Variants in PPP2R5E observed in about 807,000 individuals in gnomAD.
The protein encoded by PPP2R5E is serine/threonine-protein phosphatase 2A 56 kDa regulatory subunit epsilon isoform.
A neutral mutation model predicts 65.3 loss-of-function variants in PPP2R5E; 4 were observed. That is an observed-to-expected ratio of 0.06 (90% CI 0.03 to 0.14). The LOEUF (loss-of-function observed/expected upper bound fraction) is 0.14. Among genes scored for constraint, PPP2R5E ranks in the 10% least tolerant of loss-of-function variants. The pLI is 1.00. For synonymous variants in PPP2R5E, 183 were observed against 187.4 expected, an observed-to-expected ratio of 0.98 and a Z score of 0.19; for missense variants, 274 against 556.1, an observed-to-expected ratio of 0.49 and a Z score of 5.10.
intron 5 of PPP2R5E, among the ~76,000 whole-genome samples, chr14:63,397,503 A>T (rs1026977231): frequency 4.4e-4 from 27 of 60,972 alleles, no homozygotes; most frequent in East Asian, 1.8e-3. Context: ...TTCGGTCTTT[A>T]AAAAAAAAAA....
intron 3 of PPP2R5E, among the ~76,000 whole-genome samples, chr14:63,444,423 G>A (rs1194753373): frequency 3.9e-5 from 6 of 152,044 alleles, no homozygotes; most frequent in Admixed American, 3.3e-4. Flanking sequence ...TACTGTTCAC[G>A]TGAGTATTCC....
At chr14:63,540,456 C>A (rs1307528737) in intron 1 of PPP2R5E, among the ~76,000 whole-genome samples, 2 of 138,354 alleles carry the variant, frequency 1.4e-5, no homozygotes, top group African/African-American at 5.5e-5. Context: ...AAAAGCCAGG[C>A]ACAGTGGCAC....
At chr14:63,461,943 T>TACTGCC (rs1176135559) in intron 2 of PPP2R5E, among the ~76,000 whole-genome samples, 2 of 151,926 alleles carry the variant, frequency 1.3e-5, no homozygotes, top group African/African-American at 4.9e-5. Flanking sequence ...CTTTTCCCAG[T>TACTGCC]ACTGCCAACA....
intron 11 of PPP2R5E, among the ~76,000 whole-genome samples, chr14:63,389,090 CTA>C (rs1884854372): frequency 6.6e-6 from 1 of 151,598 alleles, no homozygotes; most frequent in Non-Finnish European, 1.5e-5. Context: ...ACTCTACTCT[CTA>C]TTAACTTGGG....
At chr14:63,536,758 AT>A (rs755765691) in intron 2 of PPP2R5E, among the ~76,000 whole-genome samples, 2 of 152,254 alleles carry the variant, frequency 1.3e-5, no homozygotes, top group Non-Finnish European at 2.9e-5. Flanking sequence ...ACTAAGTGAA[AT>A]AAGCCAGTCA....
chr14:63,401,698 C>T (rs188130737), intron 5 of PPP2R5E, among the ~76,000 whole-genome samples: 156 of 152,214 alleles, frequency 1.0e-3, no homozygotes, highest in Non-Finnish European at 1.4e-3. Flanking sequence ...TAGAAGAAAG[C>T]CTTGGCATAG....
At chr14:63,471,944 A>G (rs1024738379) in intron 2 of PPP2R5E, among the ~76,000 whole-genome samples, 1 of 152,242 alleles carries the variant, frequency 6.6e-6, no homozygotes, top group Non-Finnish European at 1.5e-5. Context: ...TGTACCAAGC[A>G]AAATGCAACT....
At chr14:63,403,309 T>A (rs1555356859) in intron 5 of PPP2R5E, among the ~76,000 whole-genome samples, 1 of 139,732 alleles carries the variant, frequency 7.2e-6, no homozygotes, top group Non-Finnish European at 1.5e-5. Flanking sequence ...ACACCTGTAA[T>A]CCCAGCAGCT....
chr14:63,418,324 T>A (rs992403752), intron 4 of PPP2R5E, among the ~76,000 whole-genome samples: 1 of 152,206 alleles, frequency 6.6e-6, no homozygotes, highest in Admixed American at 6.5e-5. Flanking sequence ...CTGGCAAGGC[T>A]TTCCAGCAAG....
intron 4 of PPP2R5E, among the ~76,000 whole-genome samples, chr14:63,415,470 C>T (rs1028191530): frequency 2.0e-5 from 3 of 152,106 alleles, no homozygotes; most frequent in South Asian, 2.1e-4. Context: ...CATAATCTTG[C>T]CATTCAGAGA....
chr14:63,403,940 T>C (rs990544891), intron 5 of PPP2R5E, among the ~76,000 whole-genome samples: 1 of 152,172 alleles, frequency 6.6e-6, no homozygotes, highest in Non-Finnish European at 1.5e-5. Flanking sequence ...GGGAGATACA[T>C]AATGGCTTAC....
intron 2 of PPP2R5E, among the ~76,000 whole-genome samples, chr14:63,500,839 C>G (rs1891840576): frequency 6.6e-6 from 1 of 151,674 alleles, no homozygotes; most frequent in Non-Finnish European, 1.5e-5. Context: ...ACACAATCAG[C>G]CTGGGTGACA....
intron 3 of PPP2R5E, chr14:63,451,301 T>C (rs1888811351): frequency 6.6e-6 from 1 of 152,160 alleles, no homozygotes. Flanking sequence ...TTGCCAAAAT[T>C]AGGAAGCAAC....
At chr14:63,398,593 C>A (rs1015700041) in intron 5 of PPP2R5E, among the ~76,000 whole-genome samples, 1 of 152,052 alleles carries the variant, frequency 6.6e-6, no homozygotes, top group Non-Finnish European at 1.5e-5. Context: ...GGTTTGAGAT[C>A]AGCCTGGCCA....
chr14:63,441,680 G>A (rs948524303), intron 3 of PPP2R5E, among the ~76,000 whole-genome samples: 1 of 152,174 alleles, frequency 6.6e-6, no homozygotes, highest in Admixed American at 6.5e-5. Flanking sequence ...GGGAGGCCGA[G>A]GCGGGCAGAT....
chr14:63,476,918 A>G (rs1475244881), intron 2 of PPP2R5E, among the ~76,000 whole-genome samples: 10 of 152,166 alleles, frequency 6.6e-5, no homozygotes, highest in Non-Finnish European at 1.3e-4. Flanking sequence ...GGAAGCACTT[A>G]GACTGTAGAG....
At chr14:63,409,465 T>C (rs576787594) in intron 5 of PPP2R5E, among the ~76,000 whole-genome samples, 1 of 152,234 alleles carries the variant, frequency 6.6e-6, no homozygotes, top group South Asian at 2.1e-4. Flanking sequence ...ATTCTATCAA[T>C]GCGGGCAGAT....
chr14:63,442,575 GAGAGAGAGACAC>G (rs1888288666), intron 3 of PPP2R5E, among the ~76,000 whole-genome samples: 1 of 152,112 alleles, frequency 6.6e-6, no homozygotes, highest in Non-Finnish European at 1.5e-5. Flanking sequence ...GAGAGAGACA[GAGAGAGAGACAC>G]AGAGAGAGAA....
rs908632232 is a variant in PPP2R5E, at chr14:63,496,678, C to A, written c.158-42793G>T. Among the ~76,000 whole-genome samples, 7 of 151,984 alleles carry A rather than the reference C, an allele frequency of 4.6e-5. No individual in the cohort carries two copies. In the East Asian group the frequency reaches 5.8e-4, roughly 13 times the overall value. ...TTAGCAGAATCTCATCATATGCAGT[C>A]AAATTTAAATGATTCTAATTTTCCT... On this transcript the variant is annotated intron_variant, in intron 2 of 13. Transcript: ENST00000337537.
Sources: allele counts gnomAD v4.1 joint callset (sites outside exome capture counted in the v4.1 genomes callset), GRCh38; gene constraint gnomAD v4.1.1; transcripts MANE v1.5; gene names NCBI Gene and HGNC (gene_info 2026-07-23, HGNC 2026-07-21).